GLIS1: variants seen among roughly 807,000 people sequenced by gnomAD.
The protein encoded by GLIS1 is GLIS family zinc finger 1, also known as zinc finger protein GLIS1.
In GLIS1, 24 loss-of-function variants were observed where a neutral mutation model predicts 63.8. The ratio of observed to expected loss-of-function variants is 0.38; its 90% CI spans 0.27 to 0.53. The LOEUF (loss-of-function observed/expected upper bound fraction) is 0.53, where lower values mean the gene tolerates loss of function less well. Among genes scored for constraint, GLIS1 ranks in the 20% least tolerant of loss-of-function variants. GLIS1 has a pLI of 0.85. For synonymous variants in GLIS1, 450 were observed against 482.5 expected, an observed-to-expected ratio of 0.93 and a Z score of 0.88; for missense variants, 1,036 against 1,074.1, an observed-to-expected ratio of 0.96 and a Z score of 0.50.
At chr1:53,591,728 T>C (rs1212512818) in intron 4 of GLIS1, among the ~76,000 whole-genome samples, 3 of 152,190 alleles carry the variant, frequency 2.0e-5, no homozygotes, top group African/African-American at 7.2e-5. Flanking sequence ...ACACAGTCTG[T>C]ACTTGGAAGC....
chr1:53,577,137 C>T (rs1247624252), intron 4 of GLIS1, among the ~76,000 whole-genome samples: 4 of 151,714 alleles, frequency 2.6e-5, no homozygotes, highest in South Asian at 2.1e-4. Flanking sequence ...GCCTCCCCCC[C>T]CTCCATGCTT....
At chr1:53,547,348 G>A (rs1644713703) in intron 4 of GLIS1, among the ~76,000 whole-genome samples, 2 of 152,282 alleles carry the variant, frequency 1.3e-5, no homozygotes, top group Admixed American at 6.5e-5. Flanking sequence ...GCCAGAGAGA[G>A]GGCAATAGCC....
intron 2 of GLIS1, among the ~76,000 whole-genome samples, chr1:53,698,068 C>T (rs1213889557): frequency 6.6e-6 from 1 of 150,956 alleles, no homozygotes; most frequent in African/African-American, 2.4e-5. Flanking sequence ...ATTCCGAGGA[C>T]TCCCCACCCC....
intron 4 of GLIS1, among the ~76,000 whole-genome samples, chr1:53,530,268 A>C (rs1490961446): frequency 6.6e-6 from 1 of 152,200 alleles, no homozygotes; most frequent in African/African-American, 2.4e-5. Flanking sequence ...ACTTGCCCTG[A>C]CCACAGCACA....
At chr1:53,599,333 G>A (rs1645291733) in intron 3 of GLIS1, among the ~76,000 whole-genome samples, 2 of 152,208 alleles carry the variant, frequency 1.3e-5, no homozygotes, top group Admixed American at 6.5e-5. Context: ...GATGATCATG[G>A]GAGTGGGACT....
At position 53,574,459 on chromosome 1, in the gene GLIS1, G is replaced by A. The variant is rs1645013182; in HGVS notation, c.1320+19649C>T. On this transcript the variant is annotated intron_variant, in intron 4 of 10. Coordinates refer to ENST00000628545, the MANE Select transcript of GLIS1 (RefSeq NM_001367484.1). This position sits in a 1 kb window ranked among gnomAD's most constrained non-coding sequence, Gnocchi z 4.2. ...GGGCCTCCCACGCAGTCTCCCCTGG[G>A]AGATTACCTGTATACTAATCCCCCT... Among the ~76,000 whole-genome samples, 1 of 152,194 alleles carries A rather than the reference G, an allele frequency of 6.6e-6. No individual in the cohort carries two copies. The highest frequency in any genetic ancestry group is 2.1e-4 in the South Asian group (1 of 4,828).
At chr1:53,650,652 G>A (rs1645897395) in intron 2 of GLIS1, among the ~76,000 whole-genome samples, 1 of 151,858 alleles carries the variant, frequency 6.6e-6, no homozygotes, top group East Asian at 1.9e-4. Flanking sequence ...AGGCGAGTAG[G>A]GGATGCACTG....
intron 2 of GLIS1, among the ~76,000 whole-genome samples, chr1:53,638,733 C>G (rs544803540): frequency 6.6e-6 from 1 of 152,196 alleles, no homozygotes; most frequent in Non-Finnish European, 1.5e-5. Context: ...TAGAACCCCC[C>G]ACACCCAGAA....
intron 4 of GLIS1, among the ~76,000 whole-genome samples, chr1:53,550,861 A>T (rs897657096): frequency 2.0e-5 from 3 of 151,588 alleles, no homozygotes; most frequent in Non-Finnish European, 4.4e-5. Context: ...TTATTTATTT[A>T]TTTTTTTTGA....
chr1:53,541,600 G>A (rs374773439), intron 4 of GLIS1, among the ~76,000 whole-genome samples: 6 of 152,242 alleles, frequency 3.9e-5, no homozygotes, highest in South Asian at 4.1e-4. Context: ...CCCTGCACAC[G>A]CACTCAAGTT....
intron 4 of GLIS1, among the ~76,000 whole-genome samples, chr1:53,580,897 TA>T (rs1335633332): frequency 1.3e-5 from 2 of 152,182 alleles, no homozygotes; most frequent in Non-Finnish European, 2.9e-5. Context: ...CCCATGGTCA[TA>T]AAAACAGAAT....
chr1:53,700,222 T>C (rs142926744), intron 2 of GLIS1, among the ~76,000 whole-genome samples: 31 of 152,304 alleles, frequency 2.0e-4, no homozygotes, highest in South Asian at 6.2e-4. Flanking sequence ...CAGATGCTCC[T>C]GCTCTGGATG....
At chr1:53,690,441 T>C (rs1207526245) in intron 2 of GLIS1, among the ~76,000 whole-genome samples, 1 of 152,208 alleles carries the variant, frequency 6.6e-6, no homozygotes, top group African/African-American at 2.4e-5. Flanking sequence ...AAATCTCAAA[T>C]GGCCTCTGCC....
chr1:53,619,370 C>T (rs929307744), intron 2 of GLIS1, among the ~76,000 whole-genome samples: 19 of 152,206 alleles, frequency 1.2e-4, no homozygotes, highest in Admixed American at 2.0e-4. Context: ...TTAGTGGGGC[C>T]GCTGCTTCTA....
At position 53,734,133 on chromosome 1, in the gene GLIS1, C is replaced by T. The variant is rs990326147; in HGVS notation, c.259+3673G>A. ...ACAGCCATGATGGCTGTTTTTATAA[C>T]GGCGGGGTTCACATTTGTCGTGATC... On this transcript the variant is annotated intron_variant, in intron 2 of 10. Coordinates refer to ENST00000628545, the MANE Select transcript of GLIS1 (RefSeq NM_001367484.1). The T allele has an allele frequency of 2.9e-5, 29 of 984,342 alleles. No individual in the cohort carries two copies. The East Asian group carries it at 3.4e-4, about 12-fold the overall frequency. The allele number at this position is 984,342 out of a possible 1,614,324, so 61.0% of individuals were successfully genotyped here.
At chr1:53,571,179 C>A (rs547176812) in intron 4 of GLIS1, among the ~76,000 whole-genome samples, 40 of 152,268 alleles carry the variant, frequency 2.6e-4, no homozygotes, top group African/African-American at 9.4e-4. Flanking sequence ...CATTAGTAAT[C>A]AGCTAAAAAT....
At chr1:53,606,523 CAG>C (rs771670042) in intron 2 of GLIS1, among the ~76,000 whole-genome samples, 2 of 152,096 alleles carry the variant, frequency 1.3e-5, no homozygotes, top group African/African-American at 2.4e-5. Flanking sequence ...ACAGCAGAGA[CAG>C]AGCCCGAGCA....
chr1:53,506,792 A>G lies in GLIS1; in HGVS notation c.2231-16T>C, dbSNP rs1462115618. ...GCCTCATAGCCTGTGAGTGGTTGGG[A>G]AAGGGTCAGCGCTGGAGGCAGCAGG... On this transcript the variant is annotated splice_polypyrimidine_tract_variant and intron_variant, in intron 10 of 10. Transcript: ENST00000628545. The G allele has an allele frequency of 1.2e-6, 2 of 1,604,804 alleles. No individual in the cohort carries two copies. The highest frequency in any genetic ancestry group is 2.2e-5 in the East Asian group (1 of 44,856).
intron 2 of GLIS1, among the ~76,000 whole-genome samples, chr1:53,657,469 C>T (rs1390308740): frequency 6.6e-6 from 1 of 152,144 alleles, no homozygotes; most frequent in Non-Finnish European, 1.5e-5. Context: ...ACTGCTTTGG[C>T]GGATGGAGCA....
Sources: gnomAD v4.1 joint callset for allele counts (sites outside exome capture counted in the v4.1 genomes callset) on GRCh38, gnomAD v4.1.1 for gene constraint, Gnocchi (gnomAD v3.1) non-coding constraint, MANE v1.5 for transcripts, NCBI Gene and HGNC (gene_info 2026-07-23, HGNC 2026-07-21) for gene names.